The following MORC1 variants were observed in gnomAD, a reference collection of about 807,000 sequenced individuals.
The protein encoded by MORC1 is MORC family CW-type zinc finger 1.
In MORC1, 59 loss-of-function variants were observed where a neutral mutation model predicts 134.9. The ratio of observed to expected loss-of-function variants is 0.44; its 90% confidence interval spans 0.35 to 0.54. The LOEUF (loss-of-function observed/expected upper bound fraction) is 0.54, where lower values mean the gene tolerates loss of function less well. Among genes scored for constraint, MORC1 ranks in the 20% least tolerant of loss-of-function variants. The pLI, the probability that MORC1 is intolerant of heterozygous loss-of-function variation, is 0.00. For synonymous variants in MORC1, 395 were observed against 391.7 expected, an observed-to-expected ratio of 1.01 and a Z score of -0.10; for missense variants, 947 against 1,134.5, an observed-to-expected ratio of 0.83 and a Z score of 2.37.
At chr3:109,035,288 C>A in intron 15 of MORC1, 52 bp downstream of exon 15, 1 of 1,488,434 alleles carries the variant, frequency 6.7e-7, no homozygotes, top group Non-Finnish European at 9.1e-7. Flanking sequence ...CAATGACTTG[C>A]ATATTTAAGA....
intron 17 of MORC1, among the ~76,000 whole-genome samples, chr3:109,010,293 T>A (rs905155112): frequency 3.9e-5 from 6 of 152,200 alleles, no homozygotes; most frequent in African/African-American, 1.2e-4. Context: ...ATTTGCCTTG[T>A]GTTTTTTCCA....
chr3:109,008,026 C>T (rs983385510), intron 17 of MORC1, among the ~76,000 whole-genome samples: 7 of 151,976 alleles, frequency 4.6e-5, no homozygotes, highest in African/African-American at 1.7e-4. Context: ...GCATATTATA[C>T]ACATGGTCTG....
intron 3 of MORC1, among the ~76,000 whole-genome samples, chr3:109,106,934 CTT>C (rs1449133124): frequency 6.6e-6 from 1 of 152,168 alleles, no homozygotes; most frequent in East Asian, 1.9e-4. Context: ...CCTAACAAAT[CTT>C]GTTTGCCCTC....
intron 21 of MORC1, among the ~76,000 whole-genome samples, chr3:108,992,804 C>A (rs1948102398): frequency 1.3e-5 from 2 of 152,160 alleles, no homozygotes; most frequent in African/African-American, 2.4e-5. Context: ...CCTCTTCTAT[C>A]TTCCACATAA....
intron 8 of MORC1, among the ~76,000 whole-genome samples, chr3:109,091,958 G>C (rs770038870): frequency 3.9e-5 from 6 of 152,214 alleles, no homozygotes; most frequent in Non-Finnish European, 5.9e-5. Context: ...CAAAGATGTA[G>C]CTGTCAAATT....
chr3:109,058,914 T>G (rs1331939150), intron 12 of MORC1, among the ~76,000 whole-genome samples: 4 of 152,114 alleles, frequency 2.6e-5, no homozygotes, highest in Non-Finnish European at 1.5e-5. Flanking sequence ...TTTTCAAACA[T>G]TTCACTGTAT....
intron 13 of MORC1, among the ~76,000 whole-genome samples, chr3:109,055,519 C>G (rs929078365): frequency 6.6e-6 from 1 of 152,222 alleles, no homozygotes. Context: ...CTTACCACTT[C>G]ACTCTTCCAC....
chr3:109,097,361 G>A (rs972177753), intron 6 of MORC1, among the ~76,000 whole-genome samples: 4 of 152,196 alleles, frequency 2.6e-5, no homozygotes, highest in Non-Finnish European at 4.4e-5. Flanking sequence ...AAGTGTTAGG[G>A]TAGAATAAAA....
At chr3:109,075,692 G>A (rs141323916) in intron 8 of MORC1, among the ~76,000 whole-genome samples, 4,832 of 152,186 alleles carry the variant, frequency 0.032, 242 homozygotes, top group African/African-American at 0.11. Flanking sequence ...TGCTGTTTTG[G>A]TTACTGTAGC....
chr3:109,091,656 G>T (rs1383050007), intron 8 of MORC1, among the ~76,000 whole-genome samples: 3 of 152,018 alleles, frequency 2.0e-5, no homozygotes, highest in African/African-American at 7.2e-5. Flanking sequence ...CAGTACTCGT[G>T]TCAGAGGCCA....
chr3:109,058,084 T>C (rs1408770500), intron 12 of MORC1, among the ~76,000 whole-genome samples: 2 of 152,148 alleles, frequency 1.3e-5, no homozygotes, highest in Non-Finnish European at 2.9e-5. Context: ...AAAATAGAAA[T>C]TGAGAAATAC....
At chr3:109,016,230 T>C (rs1355545653) in intron 17 of MORC1, among the ~76,000 whole-genome samples, 1 of 152,154 alleles carries the variant, frequency 6.6e-6, no homozygotes, top group African/African-American at 2.4e-5. Flanking sequence ...AAACTATATA[T>C]AACCACTGAA....
chr3:108,961,355 T>C (rs1465835791), intron 27 of MORC1, among the ~76,000 whole-genome samples: 1 of 152,214 alleles, frequency 6.6e-6, no homozygotes, highest in East Asian at 1.9e-4. Flanking sequence ...TTACCTTGAC[T>C]TCCAAATATT....
At chr3:109,079,435 A>C (rs1006827503) in intron 8 of MORC1, among the ~76,000 whole-genome samples, 2 of 152,148 alleles carry the variant, frequency 1.3e-5, no homozygotes, top group East Asian at 3.8e-4. Flanking sequence ...GCAGAAAAGA[A>C]TAAGAATCAC....
chr3:108,992,199 C>T (rs1948082372), intron 21 of MORC1, among the ~76,000 whole-genome samples: 1 of 152,108 alleles, frequency 6.6e-6, no homozygotes, highest in Non-Finnish European at 1.5e-5. Context: ...ACAAATATCT[C>T]TTGTTATAAT....
chr3:109,020,284 G>A (rs894163643), intron 17 of MORC1, among the ~76,000 whole-genome samples: 2 of 152,188 alleles, frequency 1.3e-5, no homozygotes, highest in Non-Finnish European at 1.5e-5. Flanking sequence ...CCCGCCAAGT[G>A]GAGGAAAAGT....
At chr3:108,959,978 A>G (rs2593933) in intron 27 of MORC1, among the ~76,000 whole-genome samples, 18,562 of 152,238 alleles carry the variant, frequency 0.12, 1,212 homozygotes, top group Non-Finnish European at 0.15. Flanking sequence ...AATGTCCCCA[A>G]TGGAGAGCCT....
intron 26 of MORC1, among the ~76,000 whole-genome samples, chr3:108,967,978 T>C (rs1458572352): frequency 6.6e-6 from 1 of 152,192 alleles, no homozygotes; most frequent in African/African-American, 2.4e-5. Flanking sequence ...TATTTCCTCA[T>C]TGCTAAAAGA....
chr3:108,979,496 T>C lies in MORC1; in HGVS notation c.2477+19A>G. The C allele has an allele frequency of 1.2e-6, 2 of 1,611,782 alleles. No homozygotes were observed. The highest frequency in any genetic ancestry group is 1.7e-6 in the Non-Finnish European group (2 of 1,178,542). On this transcript the variant is annotated intron_variant, in intron 24 of 27. Transcript: ENST00000232603. ...AAGTTAAACAAAGCATGTGGAAATA[T>C]GTGAGTAAATATCTTTACCTTAACT...
Sources: allele counts gnomAD v4.1 joint callset (sites outside exome capture counted in the v4.1 genomes callset), GRCh38; gene constraint gnomAD v4.1.1; transcripts MANE v1.5; gene names NCBI Gene and HGNC (gene_info 2026-07-23, HGNC 2026-07-21).